Variants in GADL1 observed in about 807,000 individuals in gnomAD.
The protein encoded by GADL1 is GAD like acidic amino acid decarboxylase 1.
Under a neutral mutation model 69.5 loss-of-function variants are expected in GADL1, and 71 were observed. The ratio of observed to expected loss-of-function variants is 1.02; its 90% CI spans 0.84 to 1.25. GADL1 has a LOEUF of 1.25. GADL1 is among the 50% of genes most tolerant of loss of function. The pLI, the probability that GADL1 is intolerant of heterozygous loss-of-function variation, is 0.00. For synonymous variants in GADL1, 254 were observed against 214.4 expected, an observed-to-expected ratio of 1.18 and a Z score of -1.62; for missense variants, 737 against 631.8, an observed-to-expected ratio of 1.17 and a Z score of -1.79.
chr3:30,875,213 GAA>G (rs796713938), intron 1 of GADL1, among the ~76,000 whole-genome samples: 7 of 108,114 alleles, frequency 6.5e-5, no homozygotes, highest in African/African-American at 6.5e-5. Flanking sequence ...AGGATATAGA[GAA>G]AAAAAAAAAA....
intron 14 of GADL1, among the ~76,000 whole-genome samples, chr3:30,766,815 C>A (rs1161605724): frequency 1.3e-5 from 2 of 150,292 alleles, no homozygotes; most frequent in Admixed American, 6.7e-5. Flanking sequence ...CACTGTAGTC[C>A]CTGAATGATC....
At chr3:30,829,992 G>C (rs545808006) in intron 11 of GADL1, among the ~76,000 whole-genome samples, 33 of 152,056 alleles carry the variant, frequency 2.2e-4, no homozygotes, top group African/African-American at 7.0e-4. Flanking sequence ...CTTCAAAGAA[G>C]AGGGTGACAA....
At chr3:30,844,962 G>T (rs1369354024) in intron 6 of GADL1, among the ~76,000 whole-genome samples, 1 of 152,098 alleles carries the variant, frequency 6.6e-6, no homozygotes, top group Non-Finnish European at 1.5e-5. Flanking sequence ...CTGCTGACTT[G>T]AAACCCTCTA....
intron 14 of GADL1, among the ~76,000 whole-genome samples, chr3:30,772,908 A>G (rs1669618231): frequency 6.6e-6 from 1 of 152,066 alleles, no homozygotes; most frequent in African/African-American, 2.4e-5. Context: ...ACTCTACCAC[A>G]ATGCCCGAAG....
At chr3:30,840,705 G>A (rs936911382) in intron 8 of GADL1, among the ~76,000 whole-genome samples, 21 of 152,148 alleles carry the variant, frequency 1.4e-4, no homozygotes, top group African/African-American at 4.8e-4. Flanking sequence ...GCCTATTAAT[G>A]AGTTTTCCTC....
In GADL1 at chr3:30,849,987, A is replaced by T; in HGVS notation, c.651+9T>A. The T allele has an allele frequency of 6.7e-7, 1 of 1,487,652 alleles. No individual in the cohort carries two copies. Among genetic ancestry groups the T allele is most frequent in the Non-Finnish European group, 9.4e-7 (1 of 1,068,216 alleles). 92.2% of individuals were successfully genotyped at this position (1,487,652 alleles called of 1,614,324 possible). ...AAAATCTATATTCAATACCAAAAAT[A>T]ATTTTTACCTCTGCAGATGTGAAAA... On this transcript the variant is annotated intron_variant, in intron 6 of 14. Coordinates refer to ENST00000282538, the MANE Select transcript of GADL1 (RefSeq NM_207359.3).
Position 30,820,872 on chromosome 3 carries a change from T to C in GADL1, c.1050+12981A>G, listed in dbSNP as rs931432733. Among the ~76,000 whole-genome samples, 10 of 151,786 alleles carry C rather than the reference T, an allele frequency of 6.6e-5. No homozygotes were observed. The East Asian group carries it at 7.8e-4, about 12-fold the overall frequency. ...ATGCTGCTATAAAGACACATGCACA[T>C]GTATGTTTATTGTGGCACTATTCAC... is the stretch of plus-strand genomic sequence containing the variant. On this transcript the variant is annotated intron_variant, in intron 11 of 14. Transcript: ENST00000282538.
Position 30,834,200 on chromosome 3 carries a change from C to A in GADL1, c.968+17G>T. The A allele has an allele frequency of 6.2e-7, 1 of 1,608,976 alleles. No homozygotes were observed. The highest frequency in any genetic ancestry group is 8.5e-7 in the Non-Finnish European group (1 of 1,175,980). On this transcript the variant is annotated intron_variant, in intron 10 of 14. Transcript: ENST00000282538. ...TGCCTGACAAAAGTTGGCTGTACAC[C>A]AGGAAACTACATTTACCTGTGGATG...
At chr3:30,865,404 A>G (rs1461253295) in intron 1 of GADL1, among the ~76,000 whole-genome samples, 1 of 151,912 alleles carries the variant, frequency 6.6e-6, no homozygotes, top group East Asian at 1.9e-4. Flanking sequence ...GCACCCAGAA[A>G]GTGCCTGGCA....
intron 11 of GADL1, among the ~76,000 whole-genome samples, chr3:30,813,061 A>AAG (rs1279041298): frequency 6.6e-6 from 1 of 152,172 alleles, no homozygotes; most frequent in Non-Finnish European, 1.5e-5. Flanking sequence ...AGGGAAACAG[A>AAG]AGAGATTACA....
In GADL1 at chr3:30,770,603, G is replaced by A. The variant is rs538241896; in HGVS notation, c.1392+7576C>T. ...AGTGAACAAGTGTTTACTGTTAGCTGTGGGTGGCCACTCCCACAAAAATTC... is the reference window on the plus strand; with the variant it reads ...AGTGAACAAGTGTTTACTGTTAGCTATGGGTGGCCACTCCCACAAAAATTC... On this transcript the variant is annotated intron_variant, in intron 14 of 14. Coordinates refer to ENST00000282538, the MANE Select transcript of GADL1 (RefSeq NM_207359.3). 2.6e-5 allele frequency among the ~76,000 whole-genome samples: 4 copies of A among 152,272 alleles called. No individual in the cohort carries two copies. The East Asian group carries it at 7.7e-4, about 29-fold the overall frequency.
At chr3:30,840,187 A>G (rs1370014859) in intron 8 of GADL1, among the ~76,000 whole-genome samples, 1 of 152,146 alleles carries the variant, frequency 6.6e-6, no homozygotes, top group African/African-American at 2.4e-5. Context: ...TCATTGCAAT[A>G]CATTTTTATG....
intron 1 of GADL1, among the ~76,000 whole-genome samples, chr3:30,876,942 C>A (rs997179246): frequency 3.3e-5 from 5 of 151,872 alleles, no homozygotes; most frequent in African/African-American, 9.7e-5. Flanking sequence ...AATCACCTTA[C>A]AAACTAACTA....
chr3:30,788,734 G>C (rs540905870), intron 12 of GADL1, among the ~76,000 whole-genome samples: 1 of 152,240 alleles, frequency 6.6e-6, no homozygotes, highest in South Asian at 2.1e-4. Flanking sequence ...TATATCCTTT[G>C]TTATCCTTTC....
chr3:30,749,729 C>A (rs1253426092), intron 14 of GADL1, among the ~76,000 whole-genome samples: 1 of 152,178 alleles, frequency 6.6e-6, no homozygotes, highest in Non-Finnish European at 1.5e-5. Context: ...TGAAGGCAGG[C>A]AGAAGTCCTC....
At chr3:30,873,199 A>G (rs1698517442) in intron 1 of GADL1, among the ~76,000 whole-genome samples, 1 of 151,978 alleles carries the variant, frequency 6.6e-6, no homozygotes, top group Non-Finnish European at 1.5e-5. Context: ...ATATAATTGC[A>G]CTTATAAAAT....
intron 8 of GADL1, among the ~76,000 whole-genome samples, chr3:30,843,895 G>A (rs1698010862): frequency 6.6e-6 from 1 of 152,152 alleles, no homozygotes; most frequent in Non-Finnish European, 1.5e-5. Context: ...TGGAGAGGCT[G>A]GATTGATCCT....
intron 1 of GADL1, among the ~76,000 whole-genome samples, chr3:30,889,084 T>TAAGAAA (rs1698748691): frequency 3.0e-5 from 1 of 32,916 alleles, no homozygotes; most frequent in African/African-American, 8.4e-5. Context: ...CGGTAATCTA[T>TAAGAAA]AAAAAAAAAA....
chr3:30,884,402 A>G (rs1484522982), intron 1 of GADL1, among the ~76,000 whole-genome samples: 3 of 151,994 alleles, frequency 2.0e-5, no homozygotes, highest in Non-Finnish European at 4.4e-5. Flanking sequence ...TGTCGAAGGG[A>G]CAGTCCTTAA....
Sources: gnomAD v4.1 joint callset for allele counts (sites outside exome capture counted in the v4.1 genomes callset) on GRCh38, gnomAD v4.1.1 for gene constraint, MANE v1.5 for transcripts, NCBI Gene and HGNC (gene_info 2026-07-23, HGNC 2026-07-21) for gene names.